The following AK8 variants were observed in gnomAD, a reference collection of about 807,000 sequenced individuals.
AK8 encodes the protein adenylate kinase 8.
Under a neutral mutation model 54.6 loss-of-function variants are expected in AK8, and 44 were observed. The ratio of observed to expected loss-of-function variants is 0.81; its 90% CI spans 0.63 to 1.04. AK8 has a LOEUF of 1.04. AK8 is among the 50% of genes least tolerant of loss of function. The pLI is 0.00. For synonymous variants in AK8, 239 were observed against 245.6 expected, an observed-to-expected ratio of 0.97 and a Z score of 0.25; for missense variants, 555 against 613.6, an observed-to-expected ratio of 0.90 and a Z score of 1.01.
chr9:132,753,997 G>A (rs143269500), intron 11 of AK8, among the ~76,000 whole-genome samples: 28 of 152,294 alleles, frequency 1.8e-4, no homozygotes, highest in Non-Finnish European at 1.9e-4. Context: ...CCCGGAGTGC[G>A]GTTCCAGAAG....
At chr9:132,841,548 A>C (rs1466316529) in intron 5 of AK8, among the ~76,000 whole-genome samples, 2 of 152,214 alleles carry the variant, frequency 1.3e-5, no homozygotes, top group African/African-American at 4.8e-5. Flanking sequence ...GGCCTGGCAC[A>C]AACCTGCCGA....
intron 11 of AK8, among the ~76,000 whole-genome samples, chr9:132,732,457 G>T (rs1436376534): frequency 6.6e-6 from 1 of 152,162 alleles, no homozygotes; most frequent in Non-Finnish European, 1.5e-5. Context: ...CAGGGCTGCA[G>T]GGCTGGGCCT....
chr9:132,752,595 A>T (rs1837987063), intron 11 of AK8, among the ~76,000 whole-genome samples: 1 of 152,014 alleles, frequency 6.6e-6, no homozygotes, highest in Non-Finnish European at 1.5e-5. Flanking sequence ...TGTGTAATCA[A>T]ATGTTTGAAA....
At chr9:132,778,132 T>C (rs1461234214) in intron 11 of AK8, among the ~76,000 whole-genome samples, 1 of 152,216 alleles carries the variant, frequency 6.6e-6, no homozygotes, top group Admixed American at 6.5e-5. Flanking sequence ...AACCCGTCTT[T>C]AAGAAAGAGC....
rs1839946009 is a variant in AK8 at position 132,791,540 on chromosome 9, A to T, written c.1121+1094T>A. On this transcript the variant is annotated intron_variant, in intron 11 of 12. Coordinates refer to ENST00000298545, the MANE Select transcript of AK8 (RefSeq NM_152572.3). This position sits in a 1 kb window ranked among gnomAD's most constrained non-coding sequence, Gnocchi z 4.0. ...GAATAATAAATATATAAAATAGACA[A>T]TAAAGAAGATCAATGAGAGGGCCTT... is the stretch of plus-strand genomic sequence containing the variant. Among the ~76,000 whole-genome samples, 1 of 152,236 alleles carries T rather than the reference A, an allele frequency of 6.6e-6. No individual in the cohort carries two copies. The highest frequency in any genetic ancestry group is 1.5e-5 in the Non-Finnish European group (1 of 68,044).
chr9:132,828,594 C>T (rs1471658026), intron 6 of AK8, 51 bp downstream of exon 6: 3 of 1,550,282 alleles, frequency 1.9e-6, no homozygotes, highest in African/African-American at 2.7e-5. Context: ...TCACTGGCCA[C>T]CCCTTGGGGC....
At chr9:132,758,711 A>G (rs141995344) in intron 11 of AK8, among the ~76,000 whole-genome samples, 377 of 151,870 alleles carry the variant, frequency 2.5e-3, no homozygotes, top group African/African-American at 8.1e-3. Flanking sequence ...CGCCTGCCTC[A>G]GCTTCCCAAA....
chr9:132,731,010 C>T (rs1047488453), intron 11 of AK8, among the ~76,000 whole-genome samples: 3 of 152,224 alleles, frequency 2.0e-5, no homozygotes, highest in African/African-American at 4.8e-5. Context: ...CCTCGCCTCC[C>T]TGTGGCTTGG....
chr9:132,769,471 C>G (rs1838863788), intron 11 of AK8: 1 of 152,248 alleles, frequency 6.6e-6, no homozygotes, highest in Admixed American at 6.5e-5. Flanking sequence ...TGCCTGTTGC[C>G]AGCGTCGCAG....
At chr9:132,730,226 G>C (rs1435653712) in intron 11 of AK8, among the ~76,000 whole-genome samples, 1 of 152,180 alleles carries the variant, frequency 6.6e-6, no homozygotes, top group Non-Finnish European at 1.5e-5. Flanking sequence ...CAGATGTGTT[G>C]AGCGGGCTGC....
At chr9:132,745,738 G>C (rs1423069800) in intron 11 of AK8, among the ~76,000 whole-genome samples, 1 of 151,998 alleles carries the variant, frequency 6.6e-6, no homozygotes, top group African/African-American at 2.4e-5. Flanking sequence ...CCAGTGCAAG[G>C]GTCCCTCAAG....
In AK8 at chr9:132,790,912, G is replaced by A. The variant is rs529181994; in HGVS notation, c.1121+1722C>T. ...AAAACCCCCTTAGAAAATATGGAATGAAAATATCTTATTATAATATCAGTA... is the reference window on the plus strand; with the variant it reads ...AAAACCCCCTTAGAAAATATGGAATAAAAATATCTTATTATAATATCAGTA... On this transcript the variant is annotated intron_variant, in intron 11 of 12. Coordinates refer to ENST00000298545, the MANE Select transcript of AK8 (RefSeq NM_152572.3). This position sits in a 1 kb window ranked among gnomAD's most constrained non-coding sequence, Gnocchi z 4.1. Among the ~76,000 whole-genome samples, 1 of 152,074 alleles carries A rather than the reference G, an allele frequency of 6.6e-6. No homozygotes were observed. The highest frequency in any genetic ancestry group is 2.4e-5 in the African/African-American group (1 of 41,494).
intron 5 of AK8, among the ~76,000 whole-genome samples, chr9:132,835,309 T>C (rs1407572743): frequency 6.6e-6 from 1 of 152,248 alleles, no homozygotes; most frequent in Non-Finnish European, 1.5e-5. Flanking sequence ...TGCACCAGTC[T>C]ACCCTAGCTC....
intron 4 of AK8, among the ~76,000 whole-genome samples, chr9:132,859,934 C>A (rs1426211662): frequency 6.6e-6 from 1 of 152,068 alleles, no homozygotes; most frequent in Non-Finnish European, 1.5e-5. Context: ...TGCAGTATTA[C>A]TGGAAACCAT....
chr9:132,735,517 T>C (rs1837059776), intron 11 of AK8, among the ~76,000 whole-genome samples: 1 of 152,064 alleles, frequency 6.6e-6, no homozygotes, highest in Non-Finnish European at 1.5e-5. Flanking sequence ...CACAGGGAGA[T>C]ACTACTTCAC....
intron 4 of AK8, among the ~76,000 whole-genome samples, chr9:132,862,329 C>CTT (rs78166067): frequency 1.4e-5 from 2 of 144,542 alleles, no homozygotes; most frequent in Non-Finnish European, 1.5e-5. Flanking sequence ...CTTTCTCTCT[C>CTT]TTTTTTTTTT....
At position 132,797,978 on chromosome 9, in the gene AK8, A is replaced by G. The variant is rs575637391; in HGVS notation, c.980-5203T>C. Among the ~76,000 whole-genome samples the G allele has an allele frequency of 2.0e-5, 3 of 152,286 alleles. No homozygotes were observed. The South Asian group carries it at 6.2e-4, about 32-fold the overall frequency. ...GAAAGCTCCTCGTTCGAGTCCTTTA[A>G]CCTTTTATAAGGAACAGCAACACAT... is the stretch of plus-strand genomic sequence containing the variant. On this transcript the variant is annotated intron_variant, in intron 10 of 12. Transcript: ENST00000298545.
chr9:132,812,565 G>GGATGACGGGTGAGCTA (rs1564415189), intron 10 of AK8, among the ~76,000 whole-genome samples: 2 of 4,726 alleles, frequency 4.2e-4, no homozygotes, highest in African/African-American at 1.1e-3. Flanking sequence ...GCCGCGCCCG[G>GGATGACGGGTGAGCTA]CCGCTAGGTG....
chr9:132,781,355 A>G lies in AK8; in HGVS notation c.1121+11279T>C, dbSNP rs980216523. Among the ~76,000 whole-genome samples the G allele has an allele frequency of 1.1e-4, 16 of 152,146 alleles. No homozygotes were observed. The highest frequency in any genetic ancestry group is 3.4e-4 in the African/African-American group (14 of 41,424). ...GGAATATAATTTAGTATTATGTGCCATGGGTTTATGAGGTAGGAGTCAGAC... is the reference window on the plus strand; with the variant it reads ...GGAATATAATTTAGTATTATGTGCCGTGGGTTTATGAGGTAGGAGTCAGAC... On this transcript the variant is annotated intron_variant, in intron 11 of 12. Transcript: ENST00000298545. The surrounding 1 kb of genome is among the most constrained non-coding windows in gnomAD (Gnocchi z 4.6).
Sources: allele counts gnomAD v4.1 joint callset (sites outside exome capture counted in the v4.1 genomes callset), GRCh38; gene constraint gnomAD v4.1.1; non-coding constraint Gnocchi (gnomAD v3.1); transcripts MANE v1.5; gene names NCBI Gene and HGNC (gene_info 2026-07-23, HGNC 2026-07-21).